Variants in PRKD1 observed in about 807,000 individuals in gnomAD.
The protein encoded by PRKD1 is protein kinase D1, also known as serine/threonine-protein kinase D1.
Under a neutral mutation model 95.9 loss-of-function variants are expected in PRKD1, and 63 were observed. The observed-to-expected ratio is 0.66, with a 90% CI of 0.54 to 0.81. The LOEUF is 0.81. Among genes scored for constraint, PRKD1 ranks in the 30% least tolerant of loss-of-function variants. The pLI is 0.00. For missense variants in PRKD1, 1,048 were observed against 1,165.3 expected, an observed-to-expected ratio of 0.90 and a Z score of 1.47; for synonymous variants, 425 against 423.1, an observed-to-expected ratio of 1.00 and a Z score of -0.05.
At chr14:29,764,897 C>T (rs1376282397) in intron 1 of PRKD1, among the ~76,000 whole-genome samples, 1 of 152,162 alleles carries the variant, frequency 6.6e-6, no homozygotes, top group African/African-American at 2.4e-5. Flanking sequence ...ATTAAAGTCT[C>T]AGACTGACAA....
chr14:29,726,513 C>T (rs1886153272), intron 1 of PRKD1, among the ~76,000 whole-genome samples: 1 of 152,144 alleles, frequency 6.6e-6, no homozygotes, highest in South Asian at 2.1e-4. Flanking sequence ...CATCCTGGAA[C>T]TGATGACAGA....
At chr14:29,647,959 T>G (rs1023528164) in intron 4 of PRKD1, among the ~76,000 whole-genome samples, 3 of 152,126 alleles carry the variant, frequency 2.0e-5, no homozygotes, top group Admixed American at 1.3e-4. Flanking sequence ...TAGGTAACAT[T>G]CGTGAGATTC....
At chr14:29,750,356 T>A (rs1232148558) in intron 1 of PRKD1, among the ~76,000 whole-genome samples, 1 of 152,140 alleles carries the variant, frequency 6.6e-6, no homozygotes, top group Admixed American at 6.6e-5. Context: ...AAAACTTAAG[T>A]TCCTACAGCA....
chr14:29,674,184 G>A (rs1883025401), intron 2 of PRKD1, among the ~76,000 whole-genome samples: 1 of 152,040 alleles, frequency 6.6e-6, no homozygotes, highest in Non-Finnish European at 1.5e-5. Flanking sequence ...ATTACTAATG[G>A]AGAGGAATGC....
intron 4 of PRKD1, among the ~76,000 whole-genome samples, chr14:29,658,196 G>A (rs753926868): frequency 1.3e-5 from 2 of 152,024 alleles, no homozygotes; most frequent in African/African-American, 2.4e-5. Flanking sequence ...CTGGGCCGTC[G>A]TCACAATTCA....
chr14:29,875,636 G>T (rs184743309), intron 1 of PRKD1, among the ~76,000 whole-genome samples: 1 of 152,024 alleles, frequency 6.6e-6, no homozygotes, highest in Admixed American at 6.6e-5. Flanking sequence ...ATTCACTAAA[G>T]GCAAACAACA....
intron 1 of PRKD1, among the ~76,000 whole-genome samples, chr14:29,769,766 CAT>C (rs1888420708): frequency 6.6e-6 from 1 of 152,176 alleles, no homozygotes; most frequent in Non-Finnish European, 1.5e-5. Flanking sequence ...ATTATAAACT[CAT>C]ATGTATGAAC....
chr14:29,896,289 T>G (rs1001157316), intron 1 of PRKD1, among the ~76,000 whole-genome samples: 2 of 152,182 alleles, frequency 1.3e-5, no homozygotes, highest in Non-Finnish European at 2.9e-5. Context: ...TTACTGACTC[T>G]TAACTTCAGA....
intron 1 of PRKD1, among the ~76,000 whole-genome samples, chr14:29,757,693 C>G (rs1022717493): frequency 4.7e-5 from 7 of 149,684 alleles, no homozygotes; most frequent in Non-Finnish European, 7.4e-5. Context: ...ACAATAAAAC[C>G]AATTATTAAA....
chr14:29,766,942 T>G (rs1188798900), intron 1 of PRKD1, among the ~76,000 whole-genome samples: 1 of 152,216 alleles, frequency 6.6e-6, no homozygotes, highest in Non-Finnish European at 1.5e-5. Context: ...CAAATTCTAC[T>G]GAAGGTTAGG....
In PRKD1 at chr14:29,777,763, G is replaced by A. The variant is rs896892128; in HGVS notation, c.265-52089C>T. Among the ~76,000 whole-genome samples, 4 of 152,224 alleles carry A rather than the reference G, an allele frequency of 2.6e-5. No individual in the cohort carries two copies. In the East Asian group the frequency reaches 7.7e-4, roughly 29 times the overall value. On this transcript the variant is annotated intron_variant, in intron 1 of 17. Coordinates refer to ENST00000331968, the MANE Select transcript of PRKD1 (RefSeq NM_002742.3). ...GACAGAAAGTTACCAAGGATATACA[G>A]GAATTGAACTCAGCTCTGCACCAAG...
intron 17 of PRKD1, among the ~76,000 whole-genome samples, chr14:29,578,008 A>G (rs1362650192): frequency 6.6e-6 from 1 of 151,604 alleles, no homozygotes; most frequent in Non-Finnish European, 1.5e-5. Context: ...TTATTTATTT[A>G]TTTTTGGTTT....
chr14:29,826,534 TGGAATATATGTATACATATATATGATG>T (rs1891126699), intron 1 of PRKD1, among the ~76,000 whole-genome samples: 1 of 102,350 alleles, frequency 9.8e-6, no homozygotes, highest in Non-Finnish European at 1.9e-5. Context: ...ATATATATGA[TGGAATATATGTATACATATATATGATG>T]GAATATATAT....
At chr14:29,882,406 G>T (rs772906842) in intron 1 of PRKD1, among the ~76,000 whole-genome samples, 6 of 152,084 alleles carry the variant, frequency 3.9e-5, no homozygotes, top group Non-Finnish European at 7.4e-5. Context: ...CTAGTCCTAG[G>T]TATTATTCTT....
At chr14:29,621,317 G>A (rs1016739854) in intron 13 of PRKD1, among the ~76,000 whole-genome samples, 6 of 151,638 alleles carry the variant, frequency 4.0e-5, no homozygotes, top group Non-Finnish European at 7.4e-5. Context: ...CATTATGCAC[G>A]TGTACCCTAA....
intron 11 of PRKD1, 90 bp downstream of exon 11, chr14:29,628,951 A>G: frequency 1.1e-6 from 1 of 947,340 alleles, no homozygotes. Context: ...TTTACTAAAA[A>G]ATTAAAATGA....
chr14:29,715,078 T>C (rs1388703076), intron 2 of PRKD1, among the ~76,000 whole-genome samples: 1 of 152,058 alleles, frequency 6.6e-6, no homozygotes, highest in African/African-American at 2.4e-5. Context: ...CTGCATGTTC[T>C]GCACATGTAC....
chr14:29,746,133 G>A (rs1327972035), intron 1 of PRKD1, among the ~76,000 whole-genome samples: 1 of 152,060 alleles, frequency 6.6e-6, no homozygotes, highest in Non-Finnish European at 1.5e-5. Context: ...TCCCCAGTGT[G>A]GAACCTCCAG....
At chr14:29,692,871 CTA>C (rs1250624330) in intron 2 of PRKD1, among the ~76,000 whole-genome samples, 4 of 152,130 alleles carry the variant, frequency 2.6e-5, no homozygotes, top group Non-Finnish European at 5.9e-5. Flanking sequence ...CAGTACTTTT[CTA>C]TGTGTTGGCT....
Sources: gnomAD v4.1 joint callset for allele counts (sites outside exome capture counted in the v4.1 genomes callset) on GRCh38, gnomAD v4.1.1 for gene constraint, MANE v1.5 for transcripts, NCBI Gene and HGNC (gene_info 2026-07-23, HGNC 2026-07-21) for gene names.